Variants in ADCK1 observed in about 807,000 individuals in gnomAD.
ADCK1 encodes the protein aarF domain-containing protein kinase 1.
In ADCK1, 41 loss-of-function variants were observed where a neutral mutation model predicts 52.3. The observed-to-expected ratio is 0.78, with a 90% CI of 0.61 to 1.02. ADCK1 has a LOEUF of 1.02. Among genes scored for constraint, ADCK1 ranks in the 50% least tolerant of loss-of-function variants. The pLI is 0.00. For synonymous variants in ADCK1, 250 were observed against 274.6 expected (o/e 0.91, Z 0.89); for missense variants, 658 against 679.5 (o/e 0.97, Z 0.35).
chr14:77,899,451 G>C (rs2083482549), intron 6 of ADCK1, among the ~76,000 whole-genome samples, 193 bp downstream of exon 6: 1 of 152,208 alleles, frequency 6.6e-6, no homozygotes, highest in African/African-American at 2.4e-5. Context: ...GAAATATCAA[G>C]TGTGATTGTT....
In ADCK1 at chr14:77,905,335, C is replaced by G. The variant is rs973155248; in HGVS notation, c.742-2468C>G. Among the ~76,000 whole-genome samples, 5 of 70,784 alleles carry G rather than the reference C, an allele frequency of 7.1e-5. No homozygotes were observed. In the South Asian group the frequency reaches 2.1e-3, roughly 30 times the overall value. The allele number at this position is 70,784 out of a possible 152,430, so 46.4% of individuals were successfully genotyped here. On this transcript the variant is annotated intron_variant, in intron 6 of 10. Transcript: ENST00000238561. Reference sequence around the variant, plus strand: ...TTTTTTTTTTTTTTTGAGATGGAATCTCACTCCCTCTGTCACCGTGGCTGG... The same window carrying G: ...TTTTTTTTTTTTTTTGAGATGGAATGTCACTCCCTCTGTCACCGTGGCTGG...
At chr14:77,806,340 A>G (rs2081225853) in intron 1 of ADCK1, among the ~76,000 whole-genome samples, 1 of 152,070 alleles carries the variant, frequency 6.6e-6, no homozygotes, top group Non-Finnish European at 1.5e-5. Flanking sequence ...ATTCCTCCCA[A>G]AGTTAGCTTG....
intron 3 of ADCK1, among the ~76,000 whole-genome samples, chr14:77,839,096 G>C (rs2082015429): frequency 6.6e-6 from 1 of 152,218 alleles, no homozygotes; most frequent in Admixed American, 6.5e-5. Context: ...GGTCATTTCA[G>C]CTCTTGCTGA....
At chr14:77,865,230 G>T (rs1231177865) in intron 4 of ADCK1, among the ~76,000 whole-genome samples, 1 of 152,184 alleles carries the variant, frequency 6.6e-6, no homozygotes, top group Non-Finnish European at 1.5e-5. Flanking sequence ...TGTAATCCCA[G>T]CACTTTGGGA....
At chr14:77,880,814 C>T (rs934668646) in intron 4 of ADCK1, among the ~76,000 whole-genome samples, 1 of 152,224 alleles carries the variant, frequency 6.6e-6, no homozygotes, top group Admixed American at 6.5e-5. Context: ...GACGTCTCCT[C>T]ATGGCCAGAG....
At chr14:77,831,939 G>A (rs1021153114) in intron 3 of ADCK1, among the ~76,000 whole-genome samples, 1 of 151,402 alleles carries the variant, frequency 6.6e-6, no homozygotes, top group African/African-American at 2.4e-5. Context: ...AGCCTCTAAT[G>A]TACACATGTG....
At chr14:77,903,145 G>A (rs960905900) in intron 6 of ADCK1, among the ~76,000 whole-genome samples, 7 of 152,176 alleles carry the variant, frequency 4.6e-5, no homozygotes, top group African/African-American at 9.7e-5. Context: ...ATGCCAAATG[G>A]GTAAATAATG....
chr14:77,854,613 G>A (rs1325600266), intron 3 of ADCK1, among the ~76,000 whole-genome samples: 1 of 147,610 alleles, frequency 6.8e-6, no homozygotes, highest in Non-Finnish European at 1.5e-5. Context: ...CTGGAGTGTA[G>A]TGGTGTGATC....
intron 4 of ADCK1, among the ~76,000 whole-genome samples, chr14:77,886,091 C>T (rs185544084): frequency 2.6e-5 from 4 of 152,368 alleles, no homozygotes; most frequent in Admixed American, 2.0e-4. Flanking sequence ...GGCCTACCTT[C>T]GAGTGGCATT....
At chr14:77,849,598 C>A (rs1415446968) in intron 3 of ADCK1, among the ~76,000 whole-genome samples, 1 of 152,068 alleles carries the variant, frequency 6.6e-6, no homozygotes, top group African/African-American at 2.4e-5. Context: ...CATATGCCAC[C>A]ATGCCTGGCT....
intron 1 of ADCK1, among the ~76,000 whole-genome samples, chr14:77,811,144 G>A (rs897798628): frequency 1.3e-5 from 2 of 151,904 alleles, no homozygotes; most frequent in African/African-American, 2.4e-5. Flanking sequence ...GAAGTAGGGT[G>A]TGCAGAATTC....
chr14:77,908,028 C>A (rs1301013048), intron 7 of ADCK1, 109 bp downstream of exon 7: 3 of 816,696 alleles, frequency 3.7e-6, no homozygotes, highest in East Asian at 2.5e-5. Flanking sequence ...GCCCCCTTGT[C>A]TTTAATAGGG....
chr14:77,816,868 G>T, intron 1 of ADCK1, among the ~76,000 whole-genome samples: 1 of 70,886 alleles, frequency 1.4e-5, no homozygotes, highest in Non-Finnish European at 3.8e-5. Flanking sequence ...CCATCTCCAG[G>T]TAGTAGATGG....
At chr14:77,847,821 C>T (rs564283320) in intron 3 of ADCK1, among the ~76,000 whole-genome samples, 1 of 152,202 alleles carries the variant, frequency 6.6e-6, no homozygotes, top group African/African-American at 2.4e-5. Flanking sequence ...TATAACGAGG[C>T]CTTCCAGATC....
intron 4 of ADCK1, among the ~76,000 whole-genome samples, chr14:77,874,122 A>G (rs2082846719): frequency 6.6e-6 from 1 of 152,198 alleles, no homozygotes; most frequent in South Asian, 2.1e-4. Context: ...GAGAGTGCAG[A>G]ACTCTTTCCA....
At chr14:77,858,916 C>A (rs531428189) in intron 3 of ADCK1, among the ~76,000 whole-genome samples, 160 bp from the exon 4 acceptor site, 6 of 152,122 alleles carry the variant, frequency 3.9e-5, no homozygotes, top group South Asian at 4.2e-4. Flanking sequence ...AAGCTGGACA[C>A]CAAGGGAAAA....
chr14:77,836,940 C>T (rs551834468), intron 3 of ADCK1, among the ~76,000 whole-genome samples: 2 of 151,652 alleles, frequency 1.3e-5, no homozygotes, highest in Admixed American at 6.6e-5. Context: ...CATCCGGCTA[C>T]AGGGGAATCA....
chr14:77,921,892 GA>G (rs2084070933), intron 7 of ADCK1, among the ~76,000 whole-genome samples: 2 of 152,228 alleles, frequency 1.3e-5, no homozygotes, highest in Non-Finnish European at 2.9e-5. Context: ...CAATATTTCA[GA>G]AAGCTTAAGG....
chr14:77,850,363 C>G (rs1423117956), intron 3 of ADCK1, among the ~76,000 whole-genome samples: 3 of 152,132 alleles, frequency 2.0e-5, no homozygotes, highest in Admixed American at 6.6e-5. Context: ...CATTTTCTAT[C>G]TATTTGTTAT....
Sources: allele counts gnomAD v4.1 joint callset (sites outside exome capture counted in the v4.1 genomes callset), GRCh38; gene constraint gnomAD v4.1.1; transcripts MANE v1.5; gene names NCBI Gene and HGNC (gene_info 2026-07-23, HGNC 2026-07-21).